The following PLXNA2 variants were observed in gnomAD, a reference collection of about 807,000 sequenced individuals.
PLXNA2 encodes plexin A2.
PLXNA2 carries 91 observed loss-of-function variants against 193.5 expected under a neutral mutation model. The observed-to-expected ratio is 0.47, with a 90% CI of 0.40 to 0.56. The LOEUF is 0.56. PLXNA2 is among the 20% of genes least tolerant of loss of function. The pLI is 0.00. For synonymous variants in PLXNA2, 997 were observed against 1,027.3 expected, an observed-to-expected ratio of 0.97 and a Z score of 0.56; for missense variants, 1,995 against 2,503.2, an observed-to-expected ratio of 0.80 and a Z score of 4.33.
intron 8 of PLXNA2, among the ~76,000 whole-genome samples, chr1:208,093,163 G>T (rs1666769577): frequency 6.6e-6 from 1 of 152,206 alleles, no homozygotes; most frequent in South Asian, 2.1e-4. Context: ...CATGAGAACT[G>T]ATTATTCACA....
intron 3 of PLXNA2, among the ~76,000 whole-genome samples, chr1:208,175,957 T>C (rs1371918378): frequency 6.6e-6 from 1 of 152,204 alleles, no homozygotes; most frequent in Non-Finnish European, 1.5e-5. Context: ...CTGAAGTGAA[T>C]TGATGGATGG....
In PLXNA2 at chr1:208,050,669, A is replaced by AAAT. The variant is rs373499468; in HGVS notation, c.3255+337_3255+339dup. On this transcript the variant is annotated intron_variant, in intron 17 of 31. Transcript: ENST00000367033. ...GCAAAAGAGAGAGACCTCATCTCTAAAATAATAATAATAATAAACTAGCCA... is the reference window on the plus strand; with the variant it reads ...GCAAAAGAGAGAGACCTCATCTCTAAAATAATAATAATAATAATAAACTAGCCA... Among the ~76,000 whole-genome samples, 826 of 152,066 alleles carry AAAT rather than the reference A, an allele frequency of 5.4e-3. 15 individuals carry two copies. The highest frequency in any genetic ancestry group is 0.018 in the African/African-American group (741 of 41,476).
chr1:208,036,110 T>C (rs562953191), intron 26 of PLXNA2, among the ~76,000 whole-genome samples: 27 of 152,302 alleles, frequency 1.8e-4, no homozygotes, highest in African/African-American at 5.8e-4. Flanking sequence ...ACCAGCTCCC[T>C]GGACTTGTCA....
chr1:208,217,157 G>C lies in PLXNA2; in HGVS notation c.766C>G (p.Leu256Val), dbSNP rs757166639. The change falls in exon 2 of 32, where the codon CTC becomes GTC. Residue 256 changes from leucine to valine, a missense_variant. Leu to Val is a conservative substitution (Grantham distance 32). Around this residue, in one of 3 missense-constraint regions of PLXNA2, gnomAD observed 702 missense variants for 812.9 expected, o/e 0.86. Coordinates refer to ENST00000367033, the MANE Select transcript of PLXNA2 (RefSeq NM_025179.4). This position sits in a 1 kb window ranked among gnomAD's most constrained non-coding sequence, Gnocchi z 4.7. ...TCAGGGGTCTCGGGCTGGACAGTGA[G>C]AAAGTAGACAAAGCCCCCACTAGCA... ...GFASGGFVYF[L>V]TVQPETPEGV... 2 of 1,614,172 alleles carry C rather than the reference G, an allele frequency of 1.2e-6. No homozygotes were observed. Among genetic ancestry groups the C allele is most frequent in the Non-Finnish European group, 1.7e-6 (2 of 1,180,028 alleles).
chr1:208,045,275 T>C (rs779288586), intron 18 of PLXNA2, 65 bp from the exon 19 acceptor site: 4 of 1,527,270 alleles, frequency 2.6e-6, no homozygotes, highest in Non-Finnish European at 3.6e-6. Flanking sequence ...ATTGCCTACT[T>C]AAAAAGAGAT....
At chr1:208,192,452 T>C (rs1670212218) in intron 3 of PLXNA2, among the ~76,000 whole-genome samples, 2 of 150,412 alleles carry the variant, frequency 1.3e-5, no homozygotes, top group South Asian at 4.3e-4. Context: ...AACCTTTTTT[T>C]TTAAACAACA....
intron 3 of PLXNA2, among the ~76,000 whole-genome samples, chr1:208,175,310 C>A (rs1669627527): frequency 6.6e-6 from 1 of 152,176 alleles, no homozygotes; most frequent in Non-Finnish European, 1.5e-5. Flanking sequence ...GTCCACTCAT[C>A]CCAGCTGAGC....
intron 1 of PLXNA2, among the ~76,000 whole-genome samples, chr1:208,227,226 T>C (rs886607283): frequency 6.6e-6 from 1 of 152,150 alleles, no homozygotes; most frequent in Non-Finnish European, 1.5e-5. Flanking sequence ...CTCTCACTTA[T>C]TTTCTGGAAA....
chr1:208,231,675 G>A (rs1404080361), intron 1 of PLXNA2, among the ~76,000 whole-genome samples: 1 of 152,160 alleles, frequency 6.6e-6, no homozygotes, highest in African/African-American at 2.4e-5. Context: ...GCATCATCCC[G>A]CTAACGTACC....
intron 4 of PLXNA2, among the ~76,000 whole-genome samples, chr1:208,113,599 G>C (rs1667556293): frequency 7.0e-6 from 1 of 142,756 alleles, no homozygotes; most frequent in African/African-American, 2.6e-5. Flanking sequence ...GCCCAGCCTG[G>C]AGTGCAGTGG....
intron 5 of PLXNA2, 95 bp from the exon 6 acceptor site, chr1:208,099,064 AG>A (rs1379216822): frequency 4.8e-6 from 7 of 1,466,568 alleles, no homozygotes; most frequent in Middle Eastern, 2.4e-4. Flanking sequence ...TGCTGCCCTG[AG>A]GCCTGTGTCC....
In PLXNA2 at chr1:208,210,464, T is replaced by C. The variant is rs1190918181; in HGVS notation, c.1189-2A>G. ...GAAGTTATCATCGATGGGGACAGGC[T>C]GGAGGGAAGCGGAAGGAATTGGGGT... is the stretch of plus-strand genomic sequence containing the variant. On this transcript the variant is annotated splice_acceptor_variant, in intron 2 of 31. Transcript: ENST00000367033. LOFTEE classifies it high-confidence loss of function. 1 of 1,609,030 alleles carries C rather than the reference T, an allele frequency of 6.2e-7. No homozygotes were observed. The highest frequency in any genetic ancestry group is 1.7e-5 in the Admixed American group (1 of 59,746).
rs770547655 is a variant in PLXNA2, at chr1:208,060,732, C to T, written c.2692G>A (p.Gly898Arg). 2 of 1,614,002 alleles carry T rather than the reference C, an allele frequency of 1.2e-6. No individual in the cohort carries two copies. Among genetic ancestry groups the T allele is most frequent in the South Asian group, 1.1e-5 (1 of 91,052 alleles). ...CCTGGGAGGGGCGTGCAGGGCACCCCAGCCACCTGCACATGGTGGGCGATC... is the reference window on the plus strand; with the variant it reads ...CCTGGGAGGGGCGTGCAGGGCACCCTAGCCACCTGCACATGGTGGGCGATC... ...SEIAHHVQVA[G>R]VPCTPLPGEY... The change falls in exon 13 of 32, where the codon GGG becomes AGG. Residue 898 changes from glycine to arginine, a missense_variant. Gly to Arg is a moderately radical substitution (Grantham distance 125). Around this residue, in one of 3 missense-constraint regions of PLXNA2, gnomAD observed 1,291 missense variants for 1,673.6 expected, o/e 0.77. Coordinates refer to ENST00000367033, the MANE Select transcript of PLXNA2 (RefSeq NM_025179.4).
At position 208,044,043 on chromosome 1, in the gene PLXNA2, C is replaced by CT. The variant is rs1279979028; in HGVS notation, c.3874+464_3874+465insA. On this transcript the variant is annotated intron_variant, in intron 20 of 31. Transcript: ENST00000367033. This position sits in a 1 kb window ranked among gnomAD's most constrained non-coding sequence, Gnocchi z 4.9. ...AAGTGGCGGCCTTCAGAGCGCTCAGCCTGCAGCACTGATGGAAAACAAACC... is the reference window on the plus strand; with the variant it reads ...AAGTGGCGGCCTTCAGAGCGCTCAGCTCTGCAGCACTGATGGAAAACAAACC... Among the ~76,000 whole-genome samples, 1 of 152,188 alleles carries CT rather than the reference C, an allele frequency of 6.6e-6. No individual in the cohort carries two copies. The highest frequency in any genetic ancestry group is 1.5e-5 in the Non-Finnish European group (1 of 68,030).
intron 3 of PLXNA2, among the ~76,000 whole-genome samples, chr1:208,157,765 T>C (rs977984657): frequency 1.3e-5 from 2 of 152,204 alleles, no homozygotes; most frequent in Admixed American, 6.5e-5. Context: ...GAGGAGAAAC[T>C]CCTATGGGTC....
At chr1:208,172,658 G>C (rs911077339) in intron 3 of PLXNA2, among the ~76,000 whole-genome samples, 1 of 152,190 alleles carries the variant, frequency 6.6e-6, no homozygotes, top group African/African-American at 2.4e-5. Flanking sequence ...GATTCTGGAG[G>C]GCTGAGGGAG....
At chr1:208,109,831 C>G (rs973278452) in intron 4 of PLXNA2, among the ~76,000 whole-genome samples, 1 of 152,216 alleles carries the variant, frequency 6.6e-6, no homozygotes, top group Non-Finnish European at 1.5e-5. Flanking sequence ...GAGCGGGGAT[C>G]AGGAGGCTTG....
intron 1 of PLXNA2, among the ~76,000 whole-genome samples, chr1:208,232,317 G>A (rs184318527): frequency 6.6e-6 from 1 of 152,320 alleles, no homozygotes; most frequent in Admixed American, 6.5e-5. Context: ...CACCTCTGCA[G>A]TCCCTGCAGC....
chr1:208,030,578 G>A (rs907303774), intron 29 of PLXNA2: 9 of 985,420 alleles, frequency 9.1e-6, no homozygotes, highest in Non-Finnish European at 9.6e-6. Context: ...AAGGCTCAGC[G>A]ACCACAAGAC....
Sources: allele counts gnomAD v4.1 joint callset (sites outside exome capture counted in the v4.1 genomes callset), GRCh38; gene constraint gnomAD v4.1.1; regional missense constraint gnomAD v4.1.1; non-coding constraint Gnocchi (gnomAD v3.1); transcripts MANE v1.5; gene names NCBI Gene and HGNC (gene_info 2026-07-23, HGNC 2026-07-21).